The following ARMH3 variants were observed in gnomAD, a reference collection of about 807,000 sequenced individuals.
The protein encoded by ARMH3 is armadillo like helical domain containing 3, also known as armadillo-like helical domain-containing protein 3.
ARMH3 carries 60 observed loss-of-function variants against 99.1 expected under a neutral mutation model. The observed-to-expected ratio is 0.61, with a 90% CI of 0.49 to 0.75. The LOEUF is 0.75. Ranked by LOEUF, ARMH3 falls within the 30% of genes least tolerant of loss-of-function variation. The pLI is 0.00. For missense variants in ARMH3, 679 were observed against 843.1 expected (o/e 0.81, Z 2.41); for synonymous variants, 285 against 292.8 (o/e 0.97, Z 0.27).
chr10:101,908,986 A>T (rs1842758955), intron 23 of ARMH3, among the ~76,000 whole-genome samples: 1 of 152,096 alleles, frequency 6.6e-6, no homozygotes, highest in Non-Finnish European at 1.5e-5. Flanking sequence ...AATTATAATT[A>T]AATTTTGTTT....
At chr10:101,899,385 G>A (rs1446638548) in intron 23 of ARMH3, among the ~76,000 whole-genome samples, 1 of 152,156 alleles carries the variant, frequency 6.6e-6, no homozygotes, top group East Asian at 1.9e-4. Flanking sequence ...TTTGAGAAGG[G>A]GTAAAGGTAT....
chr10:101,935,174 AATATATATATAT>A (rs5787448), intron 23 of ARMH3, among the ~76,000 whole-genome samples: 6 of 117,106 alleles, frequency 5.1e-5, no homozygotes, highest in East Asian at 3.6e-4. Context: ...AAGGTGGAGC[AATATATATATAT>A]ATATATATAT....
intron 24 of ARMH3, among the ~76,000 whole-genome samples, chr10:101,855,061 C>CTT (rs36174325): frequency 5.1e-4 from 5 of 9,784 alleles, no homozygotes; most frequent in East Asian, 3.7e-3. Flanking sequence ...ACTGTCTATT[C>CTT]TTTTTTTTTT....
intron 19 of ARMH3, among the ~76,000 whole-genome samples, chr10:101,989,937 G>A (rs1846698833): frequency 6.6e-6 from 1 of 152,142 alleles, no homozygotes; most frequent in Admixed American, 6.5e-5. Context: ...CAACTAAGTG[G>A]TCTGCTGGTA....
chr10:101,881,114 C>T (rs1310319520), intron 24 of ARMH3, among the ~76,000 whole-genome samples: 1 of 152,128 alleles, frequency 6.6e-6, no homozygotes, highest in Non-Finnish European at 1.5e-5. Flanking sequence ...CCTGTTTTGT[C>T]ATAATACTTT....
intron 24 of ARMH3, among the ~76,000 whole-genome samples, chr10:101,888,971 A>G (rs1055990591): frequency 1.3e-5 from 2 of 152,198 alleles, no homozygotes; most frequent in Non-Finnish European, 2.9e-5. Flanking sequence ...AGAGAACTCA[A>G]TTACTAAGGA....
At chr10:101,972,716 C>T (rs766732711) in intron 20 of ARMH3, among the ~76,000 whole-genome samples, 5 of 152,196 alleles carry the variant, frequency 3.3e-5, no homozygotes, top group Non-Finnish European at 7.3e-5. Flanking sequence ...TATGAATACA[C>T]GGAGCCAGGG....
At chr10:102,025,270 C>T in intron 5 of ARMH3, 22 bp from the exon 6 acceptor site, 3 of 1,594,752 alleles carry the variant, frequency 1.9e-6, no homozygotes, top group Non-Finnish European at 2.6e-6. Context: ...AACCAATAAG[C>T]ATTAAACCAT....
intron 17 of ARMH3, among the ~76,000 whole-genome samples, chr10:101,992,387 G>A (rs765911326): frequency 2.0e-5 from 3 of 151,454 alleles, no homozygotes; most frequent in Non-Finnish European, 2.9e-5. Flanking sequence ...TTTCTTTGAC[G>A]ATAAATAATA....
At chr10:101,853,994 TC>T (rs1230043070) in intron 24 of ARMH3, among the ~76,000 whole-genome samples, 1 of 152,068 alleles carries the variant, frequency 6.6e-6, no homozygotes, top group Non-Finnish European at 1.5e-5. Context: ...GTGCCTGTAA[TC>T]CCAGCTACTC....
intron 24 of ARMH3, among the ~76,000 whole-genome samples, chr10:101,884,126 T>G (rs778306312): frequency 3.3e-4 from 50 of 152,146 alleles, no homozygotes; most frequent in Non-Finnish European, 5.3e-4. Flanking sequence ...GTTGCATTAT[T>G]TGCGGTCCTC....
intron 8 of ARMH3, among the ~76,000 whole-genome samples, chr10:102,014,407 C>T (rs1399776410): frequency 6.6e-6 from 1 of 152,230 alleles, no homozygotes; most frequent in Non-Finnish European, 1.5e-5. Flanking sequence ...ATACAGATAG[C>T]TGTCTTTTGG....
At chr10:101,989,522 A>C (rs1343083548) in intron 19 of ARMH3, among the ~76,000 whole-genome samples, 1 of 152,098 alleles carries the variant, frequency 6.6e-6, no homozygotes, top group Non-Finnish European at 1.5e-5. Flanking sequence ...GGAGTTAGAG[A>C]CCAGCCTGGC....
chr10:102,006,668 A>T, intron 13 of ARMH3, 35 bp from the exon 14 acceptor site: 1 of 1,585,814 alleles, frequency 6.3e-7, no homozygotes, highest in Non-Finnish European at 8.7e-7. Context: ...AGAAAACAGA[A>T]AATCCAGTTC....
At chr10:101,899,463 AT>A (rs1564733607) in intron 23 of ARMH3, among the ~76,000 whole-genome samples, 2 of 152,198 alleles carry the variant, frequency 1.3e-5, no homozygotes, top group Non-Finnish European at 2.9e-5. Flanking sequence ...TTAAACTAAC[AT>A]TTCTTTCACC....
intron 8 of ARMH3, among the ~76,000 whole-genome samples, chr10:102,019,753 C>G (rs2066835953): frequency 6.6e-6 from 1 of 151,504 alleles, no homozygotes; most frequent in Admixed American, 6.6e-5. Context: ...TGGTGAAACC[C>G]CGTCTCTACT....
Position 101,957,979 on chromosome 10 carries a change from A to C in ARMH3, c.1496-247T>G, listed in dbSNP as rs78929484. Among the ~76,000 whole-genome samples, 711 of 152,330 alleles carry C rather than the reference A, an allele frequency of 4.7e-3. 6 individuals are homozygous for C. The highest frequency in any genetic ancestry group is 0.016 in the African/African-American group (661 of 41,572). Reference sequence around the variant, plus strand: ...TACTTCTTTTTGCCACTTCTTAAATAGCAATTAAGCTCAGAAATCTGACTA... The same window carrying C: ...TACTTCTTTTTGCCACTTCTTAAATCGCAATTAAGCTCAGAAATCTGACTA... On this transcript the variant is annotated intron_variant, in intron 20 of 25. Transcript: ENST00000370033.
At chr10:101,900,467 A>C (rs1360304609) in intron 23 of ARMH3, among the ~76,000 whole-genome samples, 1 of 152,308 alleles carries the variant, frequency 6.6e-6, no homozygotes, top group Non-Finnish European at 1.5e-5. Flanking sequence ...CAAAACCCCC[A>C]AAACTGATCT....
chr10:102,006,620 A>G lies in ARMH3; in HGVS notation c.968T>C (p.Met323Thr). ...ITVLAQSHPE[M>T]GLVTTPVSPA... ...ACTGACAGGGGTCGTCACCAAGCCC[A>G]TTTCTGGATGGCTCTGAAAAAGATA... Residue 323 changes from methionine (M) to threonine (T), a missense_variant, in exon 14 of 26, where the codon ATG becomes ACG. Physicochemically the swap from Met to Thr is moderately conservative, Grantham distance 81. Coordinates refer to ENST00000370033, the MANE Select transcript of ARMH3 (RefSeq NM_024541.3). 6.2e-7 allele frequency: 1 copy of G among 1,613,938 alleles called. No homozygotes were observed.
Sources: gnomAD v4.1 joint callset for allele counts (sites outside exome capture counted in the v4.1 genomes callset) on GRCh38, gnomAD v4.1.1 for gene constraint, MANE v1.5 for transcripts, NCBI Gene and HGNC (gene_info 2026-07-23, HGNC 2026-07-21) for gene names.